The following DCDC1 variants were observed in gnomAD, a reference collection of about 807,000 sequenced individuals.
DCDC1 encodes the protein doublecortin domain containing 1.
DCDC1 carries 200 observed loss-of-function variants against 178.3 expected under a neutral mutation model. The observed-to-expected ratio is 1.12, with a 90% CI of 1.00 to 1.26. The LOEUF (loss-of-function observed/expected upper bound fraction) is 1.26. Among genes scored for constraint, DCDC1 ranks in the 50% most tolerant of loss-of-function variants. DCDC1 has a pLI of 0.00. For missense variants in DCDC1, 1,983 were observed against 1,749.2 expected (o/e 1.13, Z -2.38); for synonymous variants, 690 against 604.8 (o/e 1.14, Z -2.07).
intron 31 of DCDC1, chr11:30,904,542 C>T (rs1240312036): frequency 5.7e-6 from 1 of 176,000 alleles, no homozygotes; most frequent in African/African-American, 2.4e-5. Context: ...TAAAATAAAA[C>T]ATCCTATCAA....
chr11:31,034,892 T>A (rs1017282021), intron 20 of DCDC1, among the ~76,000 whole-genome samples: 7 of 152,218 alleles, frequency 4.6e-5, no homozygotes, highest in African/African-American at 1.7e-4. Context: ...TCTGTATACA[T>A]TTTATATACA....
intron 9 of DCDC1, among the ~76,000 whole-genome samples, chr11:31,216,194 A>G (rs1205904974): frequency 6.6e-6 from 1 of 152,190 alleles, no homozygotes; most frequent in Non-Finnish European, 1.5e-5. Flanking sequence ...ATTAATATGA[A>G]TATTAACGTT....
At chr11:30,999,020 C>T (rs1055543112) in intron 20 of DCDC1, among the ~76,000 whole-genome samples, 13 of 152,128 alleles carry the variant, frequency 8.5e-5, no homozygotes, top group African/African-American at 3.1e-4. Flanking sequence ...TAATTTCAGT[C>T]TAATTTTATA....
intron 3 of DCDC1, among the ~76,000 whole-genome samples, chr11:31,312,051 TC>T (rs1168183618): frequency 6.6e-6 from 1 of 152,058 alleles, no homozygotes; most frequent in Non-Finnish European, 1.5e-5. Flanking sequence ...TCCAACCCTG[TC>T]CTATTAAGTC....
chr11:31,281,074 C>T, intron 7 of DCDC1: 1 of 453,852 alleles, frequency 2.2e-6, no homozygotes, highest in Non-Finnish European at 4.2e-6. Context: ...CTAATTGTCA[C>T]TAGCATATAG....
intron 15 of DCDC1, among the ~76,000 whole-genome samples, chr11:31,097,608 A>G (rs1456368483): frequency 6.6e-6 from 1 of 152,208 alleles, no homozygotes; most frequent in East Asian, 1.9e-4. Context: ...GAAAGAGTTG[A>G]GAGTAGAAAA....
At chr11:31,108,079 C>T (rs564860627) in intron 12 of DCDC1, among the ~76,000 whole-genome samples, 1 of 152,188 alleles carries the variant, frequency 6.6e-6, no homozygotes, top group African/African-American at 2.4e-5. Context: ...AGGTGTCTCA[C>T]GATTGGCTGT....
At chr11:31,026,215 G>A (rs2135242157) in intron 20 of DCDC1, among the ~76,000 whole-genome samples, 1 of 151,816 alleles carries the variant, frequency 6.6e-6, no homozygotes, top group African/African-American at 2.4e-5. Flanking sequence ...GAAACTTGCA[G>A]AAAGGCCATA....
chr11:31,242,155 CAG>C (rs1189446313), intron 8 of DCDC1, among the ~76,000 whole-genome samples: 4 of 151,878 alleles, frequency 2.6e-5, no homozygotes, highest in Non-Finnish European at 4.4e-5. Context: ...TGTTTAAAAA[CAG>C]GGGGCAGAAT....
intron 34 of DCDC1, 128 bp from the exon 35 acceptor site, chr11:30,894,512 TA>T (rs768775455): frequency 4.6e-6 from 6 of 1,309,766 alleles, no homozygotes; most frequent in Admixed American, 2.8e-5. Context: ...AAATATATCA[TA>T]AAAGCAAAGA....
intron 25 of DCDC1, among the ~76,000 whole-genome samples, chr11:30,918,320 T>G (rs1946002617): frequency 6.6e-6 from 1 of 152,192 alleles, no homozygotes; most frequent in Non-Finnish European, 1.5e-5. Flanking sequence ...AATTTGTTCA[T>G]TCATAGAACA....
intron 24 of DCDC1, 40 bp from the exon 25 acceptor site, chr11:30,920,975 C>A: frequency 6.4e-7 from 1 of 1,566,028 alleles, no homozygotes; most frequent in Non-Finnish European, 8.7e-7. Flanking sequence ...ATATTACTTA[C>A]AATTGCAGAG....
intron 7 of DCDC1, among the ~76,000 whole-genome samples, chr11:31,287,321 G>A (rs1203581734): frequency 1.3e-5 from 2 of 151,596 alleles, no homozygotes; most frequent in African/African-American, 4.8e-5. Context: ...GCAAAGATAA[G>A]CAAATCTCCC....
At chr11:31,030,354 T>C (rs558226532) in intron 20 of DCDC1, among the ~76,000 whole-genome samples, 2 of 152,022 alleles carry the variant, frequency 1.3e-5, no homozygotes, top group South Asian at 2.1e-4. Flanking sequence ...CACATATGCA[T>C]TAGAAATACT....
At chr11:31,093,025 T>C (rs1451118041) in intron 16 of DCDC1, among the ~76,000 whole-genome samples, 1 of 152,194 alleles carries the variant, frequency 6.6e-6, no homozygotes, top group Non-Finnish European at 1.5e-5. Flanking sequence ...TGAATGTGAA[T>C]AAAGTACCTA....
intron 20 of DCDC1, among the ~76,000 whole-genome samples, chr11:30,985,224 G>C (rs1223300278): frequency 2.0e-5 from 3 of 152,124 alleles, no homozygotes; most frequent in African/African-American, 7.2e-5. Flanking sequence ...TTTAGAAGGG[G>C]AGTCAGAAAT....
At chr11:31,143,987 C>T (rs1170984530) in intron 9 of DCDC1, among the ~76,000 whole-genome samples, 2 of 152,150 alleles carry the variant, frequency 1.3e-5, no homozygotes, top group East Asian at 3.9e-4. Flanking sequence ...TAAAAGAAAC[C>T]ACCATAATAT....
chr11:31,242,269 TAA>T (rs1591518786), intron 8 of DCDC1, among the ~76,000 whole-genome samples: 1 of 151,966 alleles, frequency 6.6e-6, no homozygotes, highest in African/African-American at 2.4e-5. Context: ...TGTAAATAGA[TAA>T]AAGATATTTA....
At position 31,099,494 on chromosome 11, in the gene DCDC1, C is replaced by G. The variant is rs563063581; in HGVS notation, c.1983+2683G>C. Among the ~76,000 whole-genome samples the G allele has an allele frequency of 3.3e-5, 5 of 152,276 alleles. No homozygotes were observed. In the East Asian group the frequency reaches 9.7e-4, roughly 29 times the overall value. ...AGCCTACCATTCTCCCCCATCTACG[C>G]TGATGTAGCCTGAAATATGCTCAAA... On this transcript the variant is annotated intron_variant, in intron 15 of 38. Transcript: ENST00000684477.
Sources: allele counts gnomAD v4.1 joint callset (sites outside exome capture counted in the v4.1 genomes callset), GRCh38; gene constraint gnomAD v4.1.1; transcripts MANE v1.5; gene names NCBI Gene and HGNC (gene_info 2026-07-23, HGNC 2026-07-21).